Variants in LOXHD1 observed in about 807,000 individuals in gnomAD.
LOXHD1 encodes lipoxygenase homology domain-containing protein 1.
In LOXHD1, 205 loss-of-function variants were observed where a neutral mutation model predicts 248.2. The ratio of observed to expected loss-of-function variants is 0.83; its 90% CI spans 0.74 to 0.93. The LOEUF (loss-of-function observed/expected upper bound fraction) is 0.93, where lower values mean the gene tolerates loss of function less well. Among genes scored for constraint, LOXHD1 ranks in the 40% least tolerant of loss-of-function variants. LOXHD1 has a pLI of 0.00. For missense variants in LOXHD1, 2,930 were observed against 2,971.6 expected, an observed-to-expected ratio of 0.99 and a Z score of 0.33; for synonymous variants, 1,113 against 1,162.8, an observed-to-expected ratio of 0.96 and a Z score of 0.87.
At position 46,566,437 on chromosome 18, in the gene LOXHD1, C is replaced by A. The variant is rs745963784; in HGVS notation, c.2257G>T (p.Val753Leu). The A allele has an allele frequency of 1.9e-5, 29 of 1,549,766 alleles. No homozygotes were observed. In the South Asian group the frequency reaches 2.1e-4, roughly 11 times the overall value. Residue 753 changes from valine (V) to leucine (L), a missense_variant, in exon 17 of 41, where the codon GTG becomes TTG. Physicochemically the swap from Val to Leu is conservative, Grantham distance 32. Coordinates refer to ENST00000642948, the MANE Select transcript of LOXHD1 (RefSeq NM_001384474.1). ...ATGCCAGTGCTGTCATGCCCAATCACCAGCCGGTTGATCTGAAGGAAACCC... is the reference window on the plus strand; with the variant it reads ...ATGCCAGTGCTGTCATGCCCAATCAACAGCCGGTTGATCTGAAGGAAACCC... ...TLNIGNINRL[V>L]IGHDSTGMHA...
intron 7 of LOXHD1, among the ~76,000 whole-genome samples, chr18:46,603,250 G>A (rs954251133): frequency 2.6e-5 from 4 of 152,048 alleles, no homozygotes; most frequent in Non-Finnish European, 2.9e-5. Context: ...GGCAGGTTCC[G>A]AGGATAGAGA....
chr18:46,496,967 C>A (rs1319333182), intron 37 of LOXHD1, among the ~76,000 whole-genome samples: 2 of 152,226 alleles, frequency 1.3e-5, no homozygotes, highest in Non-Finnish European at 2.9e-5. Flanking sequence ...GGCCCCACTG[C>A]ACTCCAGCCT....
intron 12 of LOXHD1, among the ~76,000 whole-genome samples, chr18:46,585,029 A>G (rs1041044238): frequency 6.6e-6 from 1 of 152,190 alleles, no homozygotes; most frequent in African/African-American, 2.4e-5. Flanking sequence ...CATGATTAAA[A>G]AAACCCATCA....
chr18:46,612,272 G>A (rs1396235800), intron 5 of LOXHD1, among the ~76,000 whole-genome samples: 2 of 152,090 alleles, frequency 1.3e-5, no homozygotes, highest in Admixed American at 6.5e-5. Flanking sequence ...TGAACCCTGA[G>A]GTGTGCTCAT....
At chr18:46,617,933 G>A (rs1038535895) in intron 5 of LOXHD1, among the ~76,000 whole-genome samples, 1 of 152,204 alleles carries the variant, frequency 6.6e-6, no homozygotes, top group African/African-American at 2.4e-5. Flanking sequence ...CATGGTCTGA[G>A]ATGCAGGACA....
chr18:46,542,225 G>A (rs1311660192), intron 24 of LOXHD1, among the ~76,000 whole-genome samples: 1 of 152,326 alleles, frequency 6.6e-6, no homozygotes, highest in East Asian at 1.9e-4. Context: ...GGAGGGCACT[G>A]AGAGGAAGCA....
At chr18:46,544,159 A>G (rs1255516134) in intron 23 of LOXHD1, among the ~76,000 whole-genome samples, 2 of 152,148 alleles carry the variant, frequency 1.3e-5, no homozygotes, top group Admixed American at 6.5e-5. Context: ...CTCACTACAG[A>G]CTGGTTTAAG....
intron 4 of LOXHD1, 60 bp from the exon 5 acceptor site, chr18:46,618,350 C>A (rs539214465): frequency 8.7e-7 from 1 of 1,150,562 alleles, no homozygotes; most frequent in Non-Finnish European, 1.3e-6. Context: ...AGAATAGAGG[C>A]CCCAAAGTAG....
At chr18:46,517,761 C>G (rs1205328923) in intron 34 of LOXHD1, among the ~76,000 whole-genome samples, 1 of 152,178 alleles carries the variant, frequency 6.6e-6, no homozygotes, top group Non-Finnish European at 1.5e-5. Context: ...TCTGTGCCCC[C>G]TTCACCTAGC....
At position 46,610,777 on chromosome 18, in the gene LOXHD1, T is replaced by C; in HGVS notation, c.758A>G (p.Gln253Arg). 5 of 1,550,546 alleles carry C rather than the reference T, an allele frequency of 3.2e-6. No individual in the cohort carries two copies. The highest frequency in any genetic ancestry group is 1.2e-5 in the South Asian group (1 of 83,894). ...CTGCAGAGAAGCAGCTGAACTCACCTGGGACAGGAACCAACCTGCAGAGCC... is the reference window on the plus strand; with the variant it reads ...CTGCAGAGAAGCAGCTGAACTCACCCGGGACAGGAACCAACCTGCAGAGCC... ...KGGSAGWFLS[Q>R]IVIEDIGNKR... Residue 253 changes from glutamine to arginine, a missense_variant and splice_region_variant, in exon 6 of 41, where the codon CAG (glutamine) becomes CGG (arginine). Physicochemically the swap from Gln to Arg is conservative, Grantham distance 43. Transcript: ENST00000642948.
At chr18:46,542,018 G>C in intron 24 of LOXHD1, 78 bp from the exon 25 acceptor site, 2 of 1,375,966 alleles carry the variant, frequency 1.5e-6, no homozygotes, top group East Asian at 5.0e-5. Context: ...AGGGACTCCT[G>C]ACTTCCTTCC....
At chr18:46,593,276 C>T (rs2038205564) in intron 10 of LOXHD1, among the ~76,000 whole-genome samples, 1 of 152,196 alleles carries the variant, frequency 6.6e-6, no homozygotes, top group Non-Finnish European at 1.5e-5. Context: ...GGCAGTCTGA[C>T]ACTAAGTGTT....
Position 46,542,755 on chromosome 18 carries a change from C to G in LOXHD1, c.3720G>C (p.Trp1240Cys). The stretch of plus-strand genomic sequence containing the variant: ...TGTTGTCATGGCCAAGCCGGACTTT[C>G]CACAGGTCTCCCAGATCCAGCGTCT... ...TVETLDLGDL[W>C]KVRLGHDNTG... The change falls in exon 24 of 41, where the codon TGG becomes TGC. Residue 1240 changes from tryptophan to cysteine, a missense_variant. Trp to Cys is a radical substitution (Grantham distance 215). Transcript: ENST00000642948. 1.3e-6 allele frequency: 2 copies of G among 1,551,656 alleles called. No homozygotes were observed. Among genetic ancestry groups the G allele is most frequent in the Non-Finnish European group, 1.7e-6 (2 of 1,146,996 alleles).
rs569700670 is a variant in LOXHD1, at chr18:46,522,049, C to T, written c.5085+52G>A. ...TCCCGCCCACCCAGGAACTGGTCAG[C>T]TCTGTCTATCCCTAGGGTGGTCACT... On this transcript the variant is annotated intron_variant, in intron 32 of 40. Coordinates refer to ENST00000642948, the MANE Select transcript of LOXHD1 (RefSeq NM_001384474.1). 1.7e-5 allele frequency: 24 copies of T among 1,409,442 alleles called. 1 individual carries two copies. In the South Asian group the frequency reaches 2.8e-4, roughly 16 times the overall value. The allele number at this position is 1,409,442 out of a possible 1,614,324, so 87.3% of individuals were successfully genotyped here.
At chr18:46,554,126 C>G (rs1176534152) in intron 21 of LOXHD1, among the ~76,000 whole-genome samples, 1 of 152,108 alleles carries the variant, frequency 6.6e-6, no homozygotes, top group Non-Finnish European at 1.5e-5. Context: ...ATAGGAGGGC[C>G]TTGGGCAAGC....
chr18:46,637,603 T>TTC (rs927936435), intron 4 of LOXHD1, among the ~76,000 whole-genome samples: 3 of 119,940 alleles, frequency 2.5e-5, no homozygotes, highest in Non-Finnish European at 5.8e-5. Context: ...AAAAAATTCT[T>TTC]TCTCTCTCTC....
chr18:46,477,967 G>C lies in LOXHD1; in HGVS notation c.6342-15C>G. 1 of 1,542,936 alleles carries C rather than the reference G, an allele frequency of 6.5e-7. No individual in the cohort carries two copies. Among genetic ancestry groups the C allele is most frequent in the South Asian group, 1.2e-5 (1 of 83,326 alleles). On this transcript the variant is annotated splice_polypyrimidine_tract_variant and intron_variant, in intron 40 of 40. Transcript: ENST00000642948. ...TAAAGAAGTACCTGGCAGAGAGGTG[G>C]GAGAGTGGAGGGGTAGGGGCTAAGC...
intron 34 of LOXHD1, among the ~76,000 whole-genome samples, chr18:46,510,605 G>A (rs896897230): frequency 1.3e-5 from 2 of 152,166 alleles, no homozygotes; most frequent in African/African-American, 4.8e-5. Flanking sequence ...AGGTGGCACT[G>A]GAGATGTGGC....
chr18:46,594,663 T>C (rs2038231169), intron 8 of LOXHD1, among the ~76,000 whole-genome samples, 197 bp from the exon 9 acceptor site: 1 of 152,208 alleles, frequency 6.6e-6, no homozygotes, highest in African/African-American at 2.4e-5. Context: ...AAAGTAGGTA[T>C]CACCCATCTT....
Sources: allele counts gnomAD v4.1 joint callset (sites outside exome capture counted in the v4.1 genomes callset), GRCh38; gene constraint gnomAD v4.1.1; transcripts MANE v1.5; gene names NCBI Gene and HGNC (gene_info 2026-07-23, HGNC 2026-07-21).